SCHIP1: variants seen among roughly 807,000 people sequenced by gnomAD.
The protein encoded by SCHIP1 is schwannomin-interacting protein 1.
A neutral mutation model predicts 29.7 loss-of-function variants in SCHIP1; 8 were observed. That is an observed-to-expected ratio of 0.27 (90% CI 0.16 to 0.49). The LOEUF is 0.49. SCHIP1 is among the 20% of genes least tolerant of loss of function. The probability of loss-of-function intolerance (pLI) is 0.99; values close to 1 mark genes in which losing one functional copy is unlikely to be tolerated. For synonymous variants in SCHIP1, 76 were observed against 94.9 expected (o/e 0.80, Z 1.16); for missense variants, 193 against 294.6 (o/e 0.66, Z 2.52).
chr3:159,611,242 A>G, the SCHIP1 span, among the ~76,000 whole-genome samples: 1 of 152,300 alleles, frequency 6.6e-6, no homozygotes, highest in African/African-American at 2.4e-5. Flanking sequence ...AGCCAGGCTT[A>G]TGATTCCAGT....
At chr3:159,791,042 C>T in the SCHIP1 span, among the ~76,000 whole-genome samples, 1 of 152,156 alleles carries the variant, frequency 6.6e-6, no homozygotes, top group Non-Finnish European at 1.5e-5. Context: ...ACCCCTCACA[C>T]CTTGCCTGCC....
At chr3:159,452,726 A>G in the SCHIP1 span, among the ~76,000 whole-genome samples, 3,913 of 152,268 alleles carry the variant, frequency 0.026, 150 homozygotes, top group African/African-American at 0.085. Flanking sequence ...GAATTGCCAC[A>G]CTGTCTTCCA....
chr3:159,392,590 A>C, the SCHIP1 span, among the ~76,000 whole-genome samples: 1 of 151,512 alleles, frequency 6.6e-6, no homozygotes, highest in Non-Finnish European at 1.5e-5. Context: ...GTGATAGTTT[A>C]CTGAGAATGA....
the SCHIP1 span, among the ~76,000 whole-genome samples, chr3:159,750,296 T>TATATATATATATATATACAC: frequency 3.8e-5 from 5 of 132,744 alleles, no homozygotes; most frequent in African/African-American, 1.6e-4. Flanking sequence ...TATATATATA[T>TATATATATATATATATACAC]ACACACACAC....
the SCHIP1 span, among the ~76,000 whole-genome samples, chr3:159,330,702 G>T: frequency 1.3e-5 from 2 of 152,116 alleles, no homozygotes; most frequent in Non-Finnish European, 2.9e-5. Context: ...TACAGCAGAA[G>T]AACTATAAAT....
At chr3:159,633,339 G>A in the SCHIP1 span, among the ~76,000 whole-genome samples, 2 of 152,124 alleles carry the variant, frequency 1.3e-5, no homozygotes, top group African/African-American at 2.4e-5. Flanking sequence ...GATGTAATAT[G>A]TAAAAATGTG....
At chr3:159,452,640 G>T in the SCHIP1 span, among the ~76,000 whole-genome samples, 1 of 152,094 alleles carries the variant, frequency 6.6e-6, no homozygotes, top group Non-Finnish European at 1.5e-5. Flanking sequence ...TAGTAGAATG[G>T]TTTATAATCC....
chr3:159,562,685 T>C, the SCHIP1 span, among the ~76,000 whole-genome samples: 2 of 152,190 alleles, frequency 1.3e-5, no homozygotes, highest in African/African-American at 4.8e-5. Context: ...TTTTTGTAAG[T>C]TGCCAACTCT....
the SCHIP1 span, among the ~76,000 whole-genome samples, chr3:159,609,915 A>C: frequency 1.3e-5 from 2 of 152,212 alleles, no homozygotes; most frequent in African/African-American, 4.8e-5. Context: ...CATTATGGAA[A>C]GCAAGAATTG....
chr3:159,680,475 C>T, the SCHIP1 span, among the ~76,000 whole-genome samples: 6,032 of 138,274 alleles, frequency 0.044, 482 homozygotes, highest in African/African-American at 0.16. Context: ...TGCCACTGCA[C>T]TCCAGCCTGG....
the SCHIP1 span, among the ~76,000 whole-genome samples, chr3:159,667,781 A>G: frequency 6.6e-6 from 1 of 152,270 alleles, no homozygotes; most frequent in Non-Finnish European, 1.5e-5. Flanking sequence ...CCCATAATCT[A>G]TAATGAGAAA....
chr3:159,336,725 G>A, the SCHIP1 span, among the ~76,000 whole-genome samples: 36,465 of 152,000 alleles, frequency 0.24, 4,716 homozygotes, highest in African/African-American at 0.33. Flanking sequence ...GTACAGTACC[G>A]TGCTGTTTTG....
chr3:159,398,035 T>C, the SCHIP1 span, among the ~76,000 whole-genome samples: 4 of 152,246 alleles, frequency 2.6e-5, no homozygotes, highest in South Asian at 8.3e-4. Context: ...TGGTGTGCTG[T>C]TTTTTAAGCC....
the SCHIP1 span, among the ~76,000 whole-genome samples, chr3:159,628,731 A>G: frequency 6.6e-6 from 1 of 152,210 alleles, no homozygotes; most frequent in Non-Finnish European, 1.5e-5. Context: ...GGCATTTTCT[A>G]TGTGTAAAAC....
At chr3:159,579,917 A>T in the SCHIP1 span, among the ~76,000 whole-genome samples, 2 of 152,172 alleles carry the variant, frequency 1.3e-5, no homozygotes, top group African/African-American at 4.8e-5. Context: ...AGGGAAAAAA[A>T]TTTAAAAAAT....
the SCHIP1 span, among the ~76,000 whole-genome samples, chr3:159,561,655 G>C: frequency 6.6e-6 from 1 of 152,040 alleles, no homozygotes; most frequent in Non-Finnish European, 1.5e-5. Flanking sequence ...ATTCTTTCAT[G>C]ATGCAAATAA....
the SCHIP1 span, among the ~76,000 whole-genome samples, chr3:159,350,011 A>G: frequency 2.6e-5 from 4 of 152,168 alleles, no homozygotes; most frequent in Non-Finnish European, 5.9e-5. Context: ...AAATAATTCT[A>G]TAAAATAGTG....
the SCHIP1 span, among the ~76,000 whole-genome samples, chr3:159,525,832 G>A: frequency 3.9e-5 from 6 of 152,286 alleles, no homozygotes; most frequent in Middle Eastern, 3.4e-3. Context: ...CTAGTGAGTT[G>A]ACTCTCCTTA....
At chr3:159,385,843 C>G in the SCHIP1 span, among the ~76,000 whole-genome samples, 1 of 152,132 alleles carries the variant, frequency 6.6e-6, no homozygotes, top group Non-Finnish European at 1.5e-5. Context: ...TATCCCTCCC[C>G]TAGCCCCCCA....
Sources: allele counts gnomAD v4.1 joint callset (sites outside exome capture counted in the v4.1 genomes callset), GRCh38; gene constraint gnomAD v4.1.1; transcripts MANE v1.5; gene names NCBI Gene and HGNC (gene_info 2026-07-23, HGNC 2026-07-21).